Variants in ANGPT1 observed in about 807,000 individuals in gnomAD.
The protein encoded by ANGPT1 is angiopoietin-1.
A neutral mutation model predicts 62.2 loss-of-function variants in ANGPT1; 17 were observed. That is an observed-to-expected ratio of 0.27 (90% CI 0.19 to 0.41). The LOEUF is 0.41. ANGPT1 is among the 10% of genes least tolerant of loss of function. The pLI is 1.00. For synonymous variants in ANGPT1, 199 were observed against 198.9 expected, an observed-to-expected ratio of 1.00 and a Z score of 0.00; for missense variants, 478 against 594.9, an observed-to-expected ratio of 0.80 and a Z score of 2.04.
At chr8:107,278,950 C>G (rs57117178) in intron 7 of ANGPT1, among the ~76,000 whole-genome samples, 3,131 of 152,290 alleles carry the variant, frequency 0.021, 46 homozygotes, top group African/African-American at 0.036. Flanking sequence ...TAAGACTCAT[C>G]ATGGCTCTGC....
intron 6 of ANGPT1, among the ~76,000 whole-genome samples, chr8:107,291,363 G>A (rs143432247): frequency 5.3e-4 from 80 of 152,186 alleles, no homozygotes; most frequent in African/African-American, 1.9e-3. Flanking sequence ...TAGGTGATCT[G>A]TCGAAAATCT....
At chr8:107,399,375 T>C (rs1490793696) in intron 1 of ANGPT1, among the ~76,000 whole-genome samples, 1 of 152,202 alleles carries the variant, frequency 6.6e-6, no homozygotes, top group Non-Finnish European at 1.5e-5. Flanking sequence ...TGTTATAACA[T>C]GTTAAGTAAA....
At chr8:107,451,894 C>A (rs191756180) in intron 1 of ANGPT1, among the ~76,000 whole-genome samples, 73 of 151,964 alleles carry the variant, frequency 4.8e-4, no homozygotes, top group African/African-American at 1.7e-3. Flanking sequence ...TCACCATCAG[C>A]AATTTTAAAG....
intron 1 of ANGPT1, among the ~76,000 whole-genome samples, chr8:107,449,326 A>G (rs1157124351): frequency 6.6e-6 from 1 of 151,804 alleles, no homozygotes; most frequent in East Asian, 1.9e-4. Context: ...ATTTCAATCT[A>G]TAGTAGGCAG....
At chr8:107,474,391 A>T (rs1812454188) in intron 1 of ANGPT1, among the ~76,000 whole-genome samples, 1 of 152,222 alleles carries the variant, frequency 6.6e-6, no homozygotes, top group African/African-American at 2.4e-5. Flanking sequence ...ACAGCCCTTC[A>T]TTCTAAAAAC....
At chr8:107,421,202 G>T (rs911188226) in intron 1 of ANGPT1, among the ~76,000 whole-genome samples, 16 of 151,996 alleles carry the variant, frequency 1.1e-4, no homozygotes, top group Non-Finnish European at 2.1e-4. Flanking sequence ...TTCATCAAAA[G>T]GTAAAATGTA....
intron 1 of ANGPT1, among the ~76,000 whole-genome samples, chr8:107,467,756 G>T (rs1416220014): frequency 1.3e-5 from 2 of 151,970 alleles, no homozygotes; most frequent in East Asian, 3.9e-4. Context: ...TGCATAGCTG[G>T]GCAAAAAGGA....
At chr8:107,412,909 G>C (rs1810625477) in intron 1 of ANGPT1, among the ~76,000 whole-genome samples, 1 of 152,034 alleles carries the variant, frequency 6.6e-6, no homozygotes. Context: ...ATAAACAAAT[G>C]GATACTAAAA....
At chr8:107,404,919 A>G (rs1817117803) in intron 1 of ANGPT1, among the ~76,000 whole-genome samples, 1 of 152,104 alleles carries the variant, frequency 6.6e-6, no homozygotes, top group South Asian at 2.1e-4. Flanking sequence ...TGTGAATAGT[A>G]GTGACATTGA....
chr8:107,322,266 T>G, intron 3 of ANGPT1, 138 bp from the exon 4 acceptor site: 1 of 649,384 alleles, frequency 1.5e-6, no homozygotes, highest in Admixed American at 2.9e-5. Context: ...GTGAGAGACT[T>G]AAGAATATGT....
chr8:107,436,480 T>C (rs369845815), intron 1 of ANGPT1, among the ~76,000 whole-genome samples: 94 of 152,378 alleles, frequency 6.2e-4, no homozygotes, highest in African/African-American at 2.2e-3. Flanking sequence ...GGTCTCACGT[T>C]ATTCAAGCCC....
chr8:107,363,454 G>T (rs552318339), intron 1 of ANGPT1, among the ~76,000 whole-genome samples: 68 of 152,188 alleles, frequency 4.5e-4, no homozygotes, highest in African/African-American at 1.5e-3. Context: ...TTATATTTAC[G>T]TGAGAAGCAG....
chr8:107,423,213 C>T (rs927818627), intron 1 of ANGPT1, among the ~76,000 whole-genome samples: 2 of 152,158 alleles, frequency 1.3e-5, no homozygotes, highest in Admixed American at 6.6e-5. Flanking sequence ...TTTCTCTTCC[C>T]CCCTACTTAG....
intron 1 of ANGPT1, among the ~76,000 whole-genome samples, chr8:107,411,662 T>A (rs966705923): frequency 1.2e-4 from 19 of 152,208 alleles, no homozygotes; most frequent in African/African-American, 4.3e-4. Flanking sequence ...AAGAAATATA[T>A]ATCAGTTTAC....
intron 1 of ANGPT1, among the ~76,000 whole-genome samples, chr8:107,417,980 C>A (rs1422480999): frequency 6.6e-6 from 1 of 152,094 alleles, no homozygotes; most frequent in Non-Finnish European, 1.5e-5. Flanking sequence ...TCTGTCTCTG[C>A]AAATTGGCAT....
At chr8:107,360,717 G>C (rs185320065) in intron 1 of ANGPT1, among the ~76,000 whole-genome samples, 1 of 152,124 alleles carries the variant, frequency 6.6e-6, no homozygotes, top group East Asian at 1.9e-4. Context: ...ATCATTAAGC[G>C]GGAAATGAAG....
At chr8:107,304,601 T>C (rs1315201392) in intron 4 of ANGPT1, among the ~76,000 whole-genome samples, 1 of 151,886 alleles carries the variant, frequency 6.6e-6, no homozygotes, top group African/African-American at 2.4e-5. Flanking sequence ...TACTGGCCTT[T>C]AGTTGCCTAA....
rs534230133 is a variant in ANGPT1, at chr8:107,291,473, G to A, written c.1038+2463C>T. 3.3e-5 allele frequency among the ~76,000 whole-genome samples: 5 copies of A among 152,084 alleles called. No homozygotes were observed. The East Asian group carries it at 7.8e-4, about 24-fold the overall frequency. On this transcript the variant is annotated intron_variant, in intron 6 of 8. Transcript: ENST00000517746. ...GGTCGCTAGGCTGGAGTGCAGTGGC[G>A]TGATCTCAGCTCACTGCAACCTCTG...
At chr8:107,393,292 A>AG (rs1462505590) in intron 1 of ANGPT1, among the ~76,000 whole-genome samples, 1 of 152,136 alleles carries the variant, frequency 6.6e-6, no homozygotes, top group Non-Finnish European at 1.5e-5. Context: ...TGGGCTTGAG[A>AG]GGGGGAGAGG....
Sources: gnomAD v4.1 joint callset for allele counts (sites outside exome capture counted in the v4.1 genomes callset) on GRCh38, gnomAD v4.1.1 for gene constraint, MANE v1.5 for transcripts, NCBI Gene and HGNC (gene_info 2026-07-23, HGNC 2026-07-21) for gene names.